The following EIF4E2 variants were observed in gnomAD, a reference collection of about 807,000 sequenced individuals.
EIF4E2 encodes eukaryotic translation initiation factor 4E family member 2, also known as eukaryotic translation initiation factor 4E type 2.
In EIF4E2, 13 loss-of-function variants were observed where a neutral mutation model predicts 34.2. The observed-to-expected ratio is 0.38, with a 90% CI of 0.25 to 0.60. The LOEUF (loss-of-function observed/expected upper bound fraction) is 0.60, where lower values mean the gene tolerates loss of function less well. Among genes scored for constraint, EIF4E2 ranks in the 20% least tolerant of loss-of-function variants. EIF4E2 has a pLI of 0.62. For synonymous variants in EIF4E2, 100 were observed against 106.6 expected (o/e 0.94, Z 0.38); for missense variants, 222 against 315.1 (o/e 0.70, Z 2.24).
At chr2:232,574,205 G>A (rs1693156731), downstream of EIF4E2, 10 of 1,507,300 alleles carry the variant, frequency 6.6e-6, no homozygotes, top group Middle Eastern at 3.4e-4. Flanking sequence ...TCTGCTCTCT[G>A]TGTTCAAAAG....
intron 1 of EIF4E2, among the ~76,000 whole-genome samples, chr2:232,553,380 A>T (rs1692413054): frequency 2.0e-5 from 3 of 151,730 alleles, no homozygotes; most frequent in Non-Finnish European, 4.4e-5. Flanking sequence ...CTTATTTGGC[A>T]CTCATTGCTT....
intron 1 of EIF4E2, 23 bp downstream of exon 1, chr2:232,550,767 CG>C: frequency 6.4e-7 from 1 of 1,557,270 alleles, no homozygotes; most frequent in Non-Finnish European, 8.7e-7. Context: ...TGGCCGCCCC[CG>C]GGGCCCCTTC....
At chr2:232,583,085 A>G (rs1001237785) in exon 7 of EIF4E2, 1 of 152,052 alleles carries the variant, frequency 6.6e-6, no homozygotes, top group Non-Finnish European at 1.5e-5. Flanking sequence ...CTTTTCATCT[A>G]TTTTTACTCC....
At position 232,568,897 on chromosome 2, in the gene EIF4E2, C is replaced by T. The variant is rs948549227; in HGVS notation, c.666-48C>T. 9 of 1,612,310 alleles carry T rather than the reference C, an allele frequency of 5.6e-6. No homozygotes were observed. In the African/African-American group the frequency reaches 8.0e-5, roughly 14 times the overall value. On this transcript the variant is annotated intron_variant, in intron 6 of 6. Coordinates refer to ENST00000258416, the MANE Select transcript of EIF4E2 (RefSeq NM_004846.4). ...CCCAGATGCTACTTTCCCTTGCGTC[C>T]CCCTCTCTTTCCTCTCCCAATGAGC...
At position 232,567,131 on chromosome 2, in the gene EIF4E2, C is replaced by T. The variant is rs1234259294; in HGVS notation, c.582C>T (p.Ala194=). 1.9e-6 allele frequency: 3 copies of T among 1,614,046 alleles called. No individual in the cohort carries two copies. The highest frequency in any genetic ancestry group is 2.5e-6 in the Non-Finnish European group (3 of 1,180,044). ...NKTASDQATT[A]RIRDTLRRVL... ...CTGCCAGTGACCAAGCAACCACAGC[C>T]CGAATCCGGGACACACTTCGGCGAG... Residue 194 remains alanine (A), a synonymous_variant, in exon 6 of 7, where the codon GCC becomes GCT. Coordinates refer to ENST00000258416, the MANE Select transcript of EIF4E2 (RefSeq NM_004846.4).
intron 6 of EIF4E2, among the ~76,000 whole-genome samples, chr2:232,574,917 G>A (rs1693173946): frequency 6.6e-6 from 1 of 152,194 alleles, no homozygotes; most frequent in South Asian, 2.1e-4. Flanking sequence ...AGGCACTGAG[G>A]TACAAAGACT....
rs1320120785 is a variant in EIF4E2 at position 232,564,358 on chromosome 2, A to G, written c.375+7A>G. On this transcript the variant is annotated splice_region_variant and intron_variant, in intron 4 of 6. Coordinates refer to ENST00000258416, the MANE Select transcript of EIF4E2 (RefSeq NM_004846.4). ...AATTAAACCCATGTGGGAGGTAAGG[A>G]CTAATGGCTTCTGACTGCTTTTTTG... 3 of 1,555,760 alleles carry G rather than the reference A, an allele frequency of 1.9e-6. No homozygotes were observed. The highest frequency in any genetic ancestry group is 1.7e-6 in the Non-Finnish European group (2 of 1,144,224).
chr2:232,552,401 C>T (rs537808468), intron 1 of EIF4E2, among the ~76,000 whole-genome samples: 94 of 152,088 alleles, frequency 6.2e-4, no homozygotes, highest in South Asian at 2.1e-3. Flanking sequence ...TTTGTAGAGA[C>T]GGGGTTTCGC....
exon 7 of EIF4E2, chr2:232,583,569 A>G (rs1055911217): frequency 6.6e-6 from 1 of 152,210 alleles, no homozygotes; most frequent in Non-Finnish European, 1.5e-5. Flanking sequence ...AGCAGAGGCT[A>G]TGACAAGAGT....
chr2:232,551,152 C>G (rs180977642), intron 1 of EIF4E2: 2 of 531,022 alleles, frequency 3.8e-6, no homozygotes, highest in Non-Finnish European at 7.5e-6. Flanking sequence ...CTCTGAGCCT[C>G]AGTTTTCTCA....
downstream of EIF4E2, chr2:232,569,316 C>T (rs537415520): frequency 2.8e-5 from 31 of 1,105,482 alleles, no homozygotes; most frequent in East Asian, 2.4e-4. Context: ...GAGGGCCATC[C>T]GGGGAATGCA....
In EIF4E2 at chr2:232,566,077, G is replaced by T. The variant is rs1235336374; in HGVS notation, c.376-752G>T. Among the ~76,000 whole-genome samples the T allele has an allele frequency of 6.6e-6, 1 of 151,694 alleles. No homozygotes were observed. The highest frequency in any genetic ancestry group is 1.5e-5 in the Non-Finnish European group (1 of 67,918). On this transcript the variant is annotated intron_variant, in intron 4 of 6. Coordinates refer to ENST00000258416, the MANE Select transcript of EIF4E2 (RefSeq NM_004846.4). This position sits in a 1 kb window ranked among gnomAD's most constrained non-coding sequence, Gnocchi z 4.9. ...ACTGCACTCCAGACTGGGTGACAGC[G>T]GGAGACTCCATCGCAAAAAAGAAAA... is the stretch of plus-strand genomic sequence containing the variant.
intron 3 of EIF4E2, chr2:232,558,904 A>G (rs1692618420): frequency 6.6e-6 from 1 of 152,098 alleles, no homozygotes; most frequent in Non-Finnish European, 1.5e-5. Flanking sequence ...CTCCCAGGTG[A>G]CTTGGTTTGT....
At chr2:232,575,270 C>T (rs1574677635) in intron 6 of EIF4E2, among the ~76,000 whole-genome samples, 1 of 152,226 alleles carries the variant, frequency 6.6e-6, no homozygotes, top group East Asian at 1.9e-4. Context: ...CAAGATGACA[C>T]TCTGAGGGAC....
chr2:232,569,173 A>T lies in EIF4E2; in HGVS notation c.*156A>T. On this transcript the variant is annotated 3_prime_UTR_variant, in exon 7 of 7. Coordinates refer to ENST00000258416, the MANE Select transcript of EIF4E2 (RefSeq NM_004846.4). The stretch of plus-strand genomic sequence containing the variant: ...AACAGGCTGACACGCAGCAGCTACA[A>T]CAACAGCTGAGATCACTTAATAAAT... 6.9e-7 allele frequency: 1 copy of T among 1,450,642 alleles called. No individual in the cohort carries two copies. The highest frequency in any genetic ancestry group is 1.4e-5 in the African/African-American group (1 of 70,334). The allele number at this position is 1,450,642 out of a possible 1,614,324, so 89.9% of individuals were successfully genotyped here.
At chr2:232,567,769 G>T (rs2106249446) in intron 6 of EIF4E2, 1 of 987,204 alleles carries the variant, frequency 1.0e-6, no homozygotes, top group Non-Finnish European at 1.2e-6. Flanking sequence ...AAATAAGCTT[G>T]GCAATCTCCC....
chr2:232,557,635 T>C (rs770687160), intron 2 of EIF4E2: 28 of 436,456 alleles, frequency 6.4e-5, no homozygotes, highest in Non-Finnish European at 9.1e-5. Flanking sequence ...CAAAGATGAA[T>C]ACCTATTATA....
chr2:232,563,872 G>A (rs1729252), intron 3 of EIF4E2, among the ~76,000 whole-genome samples: 46,451 of 152,092 alleles, frequency 0.31, 7,629 homozygotes, highest in Admixed American at 0.41. Context: ...CATACCTCAA[G>A]GCTAAAGAGT....
intron 1 of EIF4E2, chr2:232,551,364 T>G: frequency 2.2e-6 from 1 of 454,822 alleles, no homozygotes; most frequent in Non-Finnish European, 4.6e-6. Context: ...TGCCCTCTCC[T>G]GCCCGCTCCG....
Sources: gnomAD v4.1 joint callset for allele counts (sites outside exome capture counted in the v4.1 genomes callset) on GRCh38, gnomAD v4.1.1 for gene constraint, Gnocchi (gnomAD v3.1) non-coding constraint, MANE v1.5 for transcripts, NCBI Gene and HGNC (gene_info 2026-07-23, HGNC 2026-07-21) for gene names.